TTC21B: variants seen among roughly 807,000 people sequenced by gnomAD.
The protein encoded by TTC21B is tetratricopeptide repeat protein 21B.
A neutral mutation model predicts 175.1 loss-of-function variants in TTC21B; 127 were observed. That is an observed-to-expected ratio of 0.73 (90% confidence interval 0.63 to 0.84). TTC21B has a LOEUF of 0.84. Ranked by LOEUF, TTC21B falls within the 40% of genes least tolerant of loss-of-function variation. The pLI is 0.00. For synonymous variants in TTC21B, 524 were observed against 524.5 expected (o/e 1.00, Z 0.01); for missense variants, 1,561 against 1,558.3 (o/e 1.00, Z -0.03).
intron 6 of TTC21B, among the ~76,000 whole-genome samples, chr2:165,939,879 A>G (rs147579226): frequency 6.6e-6 from 1 of 152,258 alleles, no homozygotes; most frequent in East Asian, 1.9e-4. Context: ...CTGGATTTGA[A>G]TCCTGACTCC....
intron 2 of TTC21B, 35 bp downstream of exon 2, chr2:165,949,560 A>T: frequency 6.2e-7 from 1 of 1,613,852 alleles, no homozygotes; most frequent in Non-Finnish European, 8.5e-7. Context: ...CAAGAATTTA[A>T]AACTGATGGA....
intron 26 of TTC21B, among the ~76,000 whole-genome samples, chr2:165,881,590 TTA>T (rs1189352423): frequency 6.6e-6 from 1 of 152,138 alleles, no homozygotes; most frequent in African/African-American, 2.4e-5. Context: ...CTTGTGGTGT[TTA>T]TATAATATAT....
chr2:165,950,862 C>A (rs542747947), intron 1 of TTC21B, among the ~76,000 whole-genome samples: 1 of 152,264 alleles, frequency 6.6e-6, no homozygotes, highest in South Asian at 2.1e-4. Context: ...CCCGCCTGGG[C>A]CTCCCAAAGT....
rs754965710 is a variant in TTC21B, at chr2:165,899,733, C to T, written c.2868+37G>A. The T allele has an allele frequency of 1.0e-5, 14 of 1,360,236 alleles. No homozygotes were observed. In the Admixed American group the frequency reaches 2.2e-4, roughly 21 times the overall value. The allele number at this position is 1,360,236 out of a possible 1,614,324, so 84.3% of individuals were successfully genotyped here. A position where few individuals can be genotyped will look rare whatever the true frequency, so the allele number is the denominator to read the frequency against. On this transcript the variant is annotated intron_variant, in intron 21 of 28. Transcript: ENST00000243344. ...GGTAAAATTTAAAACTTATAAAACA[C>T]AAGTGCTTTTATTGTACTGAAGTTC...
intron 11 of TTC21B, 160 bp downstream of exon 11, chr2:165,928,975 A>C: frequency 1.5e-6 from 1 of 673,534 alleles, no homozygotes; most frequent in Non-Finnish European, 2.7e-6. Flanking sequence ...AGCAGTCATT[A>C]CTAAAAACAG....
chr2:165,882,957 G>A (rs1320052938), intron 26 of TTC21B, among the ~76,000 whole-genome samples: 2 of 152,072 alleles, frequency 1.3e-5, no homozygotes, highest in African/African-American at 4.8e-5. Context: ...GTCTAGAATA[G>A]TGCATAAATT....
At chr2:165,946,910 T>C (rs1314445127) in intron 3 of TTC21B, among the ~76,000 whole-genome samples, 1 of 151,974 alleles carries the variant, frequency 6.6e-6, no homozygotes, top group Non-Finnish European at 1.5e-5. Flanking sequence ...TATATACTAA[T>C]ATTTTTTAAT....
rs1339259226 is a variant in TTC21B, at chr2:165,953,668, C to T, written c.21+17G>A. 2.3e-5 allele frequency: 35 copies of T among 1,546,706 alleles called. No homozygotes were observed. Among genetic ancestry groups the T allele is most frequent in the Non-Finnish European group, 2.9e-5 (33 of 1,146,188 alleles). ...GCCCGCCCGCCCGCTCACCCGCTCACCCGCTCACCCGCTCACCTTCAATTC... is the reference window on the plus strand; with the variant it reads ...GCCCGCCCGCCCGCTCACCCGCTCATCCGCTCACCCGCTCACCTTCAATTC... On this transcript the variant is annotated intron_variant, in intron 1 of 28. Coordinates refer to ENST00000243344, the MANE Select transcript of TTC21B (RefSeq NM_024753.5).
chr2:165,941,261 G>C (rs967441797), intron 5 of TTC21B, 77 bp from the exon 6 acceptor site: 4 of 1,517,608 alleles, frequency 2.6e-6, no homozygotes. Flanking sequence ...AGCAGGCAGA[G>C]TATGAGCGTT....
At chr2:165,905,950 T>C (rs1024187561) in intron 19 of TTC21B, among the ~76,000 whole-genome samples, 2 of 152,164 alleles carry the variant, frequency 1.3e-5, no homozygotes, top group Non-Finnish European at 2.9e-5. Flanking sequence ...AAAGCAAGCT[T>C]CAACAAATTG....
In TTC21B at chr2:165,907,769, G is replaced by A; in HGVS notation, c.2477C>T (p.Ala826Val). 6.2e-7 allele frequency: 1 copy of A among 1,610,530 alleles called. No individual in the cohort carries two copies. The highest frequency in any genetic ancestry group is 8.5e-7 in the Non-Finnish European group (1 of 1,177,392). Residue 826 changes from alanine (A) to valine (V), a missense_variant, in exon 19 of 29, where the codon GCT becomes GTT. Physicochemically the swap from Ala to Val is moderately conservative, Grantham distance 64 (BLOSUM62 0). Coordinates refer to ENST00000243344, the MANE Select transcript of TTC21B (RefSeq NM_024753.5). ...TTGACAACGTCCATCCTCCATGAGA[G>A]CTGACAGTTCATTTACTATGAAAGA... ...LAHEPVNELS[A>V]LMEDGRCQVL...
At chr2:165,889,688 C>T (rs1009355103) in intron 24 of TTC21B, among the ~76,000 whole-genome samples, 9 of 152,182 alleles carry the variant, frequency 5.9e-5, no homozygotes, top group African/African-American at 2.2e-4. Context: ...CAATCTACCA[C>T]TAATTTTCTC....
chr2:165,928,454 C>T (rs1424810670), intron 11 of TTC21B, among the ~76,000 whole-genome samples: 2 of 151,996 alleles, frequency 1.3e-5, no homozygotes, highest in East Asian at 1.9e-4. Flanking sequence ...GTCAAATCCA[C>T]GTTTGGAATA....
At chr2:165,920,814 A>ATATTTTGAAATATTTTACTTATTTAAAAT (rs1559060477) in intron 12 of TTC21B, among the ~76,000 whole-genome samples, 1 of 151,908 alleles carries the variant, frequency 6.6e-6, no homozygotes. Context: ...AATATTTAAA[A>ATATTTTGAAATATTTTACTTATTTAAAAT]ATGAGAAGTG....
In TTC21B at chr2:165,930,336, T is replaced by G. The variant is rs1686842041; in HGVS notation, c.923A>C (p.Lys308Thr). 1 of 1,612,274 alleles carries G rather than the reference T, an allele frequency of 6.2e-7. No individual in the cohort carries two copies. Among genetic ancestry groups the G allele is most frequent in the African/African-American group, 1.3e-5 (1 of 74,846 alleles). Residue 308 changes from lysine to threonine, a missense_variant, in exon 9 of 29, where the codon AAA becomes ACA. Physicochemically the swap from Lys to Thr is moderately conservative, Grantham distance 78. Coordinates refer to ENST00000243344, the MANE Select transcript of TTC21B (RefSeq NM_024753.5). ...TCGRSQLILQ[K>T]IQTLLERAFS... Reference sequence around the variant, plus strand: ...AGCTCTCTCAAGTAACGTTTGAATTTTTTGAAGAATAAGTTGACTACGTCC... The same window carrying G: ...AGCTCTCTCAAGTAACGTTTGAATTGTTTGAAGAATAAGTTGACTACGTCC...
chr2:165,911,646 G>C (rs1011707795), intron 17 of TTC21B, among the ~76,000 whole-genome samples, 181 bp from the exon 18 acceptor site: 13 of 150,890 alleles, frequency 8.6e-5, no homozygotes, highest in Non-Finnish European at 1.6e-4. Flanking sequence ...ATCATCACAT[G>C]AAACAACTAA....
chr2:165,876,261 T>C lies in TTC21B; in HGVS notation c.3806-29A>G, dbSNP rs747527226. 1.5e-5 allele frequency: 20 copies of C among 1,337,818 alleles called. No homozygotes were observed. In the African/African-American group the frequency reaches 2.6e-4, roughly 17 times the overall value. 82.9% of individuals were successfully genotyped at this position (1,337,818 alleles called of 1,614,324 possible). A position where few individuals can be genotyped will look rare whatever the true frequency, so the allele number is the denominator to read the frequency against. ...TTAAGACAAAAACCATAAAACAGAA[T>C]GATGGAGTACACTGCTACTATTACT... is the stretch of plus-strand genomic sequence containing the variant. On this transcript the variant is annotated intron_variant, in intron 27 of 28. Coordinates refer to ENST00000243344, the MANE Select transcript of TTC21B (RefSeq NM_024753.5).
rs921011669 is a variant in TTC21B at position 165,926,277 on chromosome 2, C to T, written c.1387-1599G>A. ...TCTTGTTCTATCTACAGTTTATTCT[C>T]AGCACATCTGATAGAGAAATCCATT... On this transcript the variant is annotated intron_variant, in intron 11 of 28. Coordinates refer to ENST00000243344, the MANE Select transcript of TTC21B (RefSeq NM_024753.5). Among the ~76,000 whole-genome samples, 3 of 152,308 alleles carry T rather than the reference C, an allele frequency of 2.0e-5. No individual in the cohort carries two copies. In the South Asian group the frequency reaches 6.2e-4, roughly 32 times the overall value.
intron 20 of TTC21B, 66 bp from the exon 21 acceptor site, chr2:165,899,946 T>C (rs1685497304): frequency 8.8e-6 from 8 of 908,608 alleles, no homozygotes; most frequent in Non-Finnish European, 1.4e-5. Context: ...GGAAAATACG[T>C]GGGTACAGAT....
Sources: gnomAD v4.1 joint callset for allele counts (sites outside exome capture counted in the v4.1 genomes callset) on GRCh38, gnomAD v4.1.1 for gene constraint, MANE v1.5 for transcripts, NCBI Gene and HGNC (gene_info 2026-07-23, HGNC 2026-07-21) for gene names.